ELP3: variants seen among roughly 807,000 people sequenced by gnomAD.
The protein encoded by ELP3 is elongator acetyltransferase complex subunit 3, also known as elongator complex protein 3.
A neutral mutation model predicts 74.9 loss-of-function variants in ELP3; 56 were observed. The observed-to-expected ratio is 0.75, with a 90% CI of 0.60 to 0.93. The LOEUF (loss-of-function observed/expected upper bound fraction) is 0.93. Ranked by LOEUF, ELP3 falls within the 40% of genes least tolerant of loss-of-function variation. The pLI is 0.00. For synonymous variants in ELP3, 222 were observed against 239.8 expected (o/e 0.93, Z 0.68); for missense variants, 573 against 686.5 (o/e 0.83, Z 1.85).
chr8:28,106,661 G>A (rs1037624081), intron 3 of ELP3, 52 bp from the exon 4 acceptor site: 4 of 1,511,150 alleles, frequency 2.6e-6, no homozygotes, highest in Non-Finnish European at 3.7e-6. Flanking sequence ...ACTCTGTGGA[G>A]TTTTATATTA....
chr8:28,152,262 C>T (rs1219532945), intron 10 of ELP3, among the ~76,000 whole-genome samples: 4 of 152,162 alleles, frequency 2.6e-5, no homozygotes, highest in Non-Finnish European at 5.9e-5. Context: ...TCCTTAAATG[C>T]AGAACCAGAA....
At chr8:28,127,092 G>A (rs1812605700) in intron 7 of ELP3, among the ~76,000 whole-genome samples, 1 of 152,070 alleles carries the variant, frequency 6.6e-6, no homozygotes, top group African/African-American at 2.4e-5. Context: ...TCCCGCCTGA[G>A]GAAAAACATT....
intron 1 of ELP3, 117 bp downstream of exon 1, chr8:28,093,350 C>A (rs1220780926): frequency 1.4e-6 from 2 of 1,420,386 alleles, no homozygotes; most frequent in Non-Finnish European, 1.9e-6. Context: ...CCAGTCGCCC[C>A]GCCACCTAGG....
chr8:28,150,424 G>A (rs1322319723), intron 10 of ELP3, among the ~76,000 whole-genome samples: 1 of 152,060 alleles, frequency 6.6e-6, no homozygotes, highest in Non-Finnish European at 1.5e-5. Context: ...ATTTTTGTCT[G>A]AGAAAGCCTT....
chr8:28,094,179 A>G (rs1811160676), intron 1 of ELP3, among the ~76,000 whole-genome samples: 1 of 152,174 alleles, frequency 6.6e-6, no homozygotes, highest in Admixed American at 6.5e-5. Context: ...CTCCTTCTCA[A>G]TCTACCAGGA....
intron 7 of ELP3, among the ~76,000 whole-genome samples, chr8:28,120,770 A>G (rs1453386559): frequency 6.6e-6 from 1 of 152,186 alleles, no homozygotes; most frequent in Non-Finnish European, 1.5e-5. Flanking sequence ...ATAGACAGCT[A>G]GTTGCTTTAA....
intron 10 of ELP3, among the ~76,000 whole-genome samples, chr8:28,140,727 C>T (rs1473886921): frequency 2.0e-5 from 3 of 152,088 alleles, no homozygotes; most frequent in African/African-American, 4.8e-5. Flanking sequence ...TTTGAGGATT[C>T]GCCATTTAGT....
intron 12 of ELP3, 84 bp from the exon 13 acceptor site, chr8:28,160,145 A>C (rs1814010201): frequency 1.6e-6 from 2 of 1,234,042 alleles, no homozygotes; most frequent in Admixed American, 2.3e-5. Context: ...ACTAGATATT[A>C]ACCTAAATAA....
chr8:28,090,481 GGGTGTGTGT>G (rs1811023643), upstream of ELP3: 5 of 194,904 alleles, frequency 2.6e-5, 1 homozygote, highest in South Asian at 3.4e-4. Context: ...TCTGATGGGT[GGGTGTGTGT>G]GTGTGTGTGT....
In ELP3 at chr8:28,141,626, C is replaced by T. The variant is rs571949748; in HGVS notation, c.1100+3735C>T. On this transcript the variant is annotated intron_variant, in intron 10 of 14. Transcript: ENST00000256398. Reference sequence around the variant, plus strand: ...TCGTAGGAAATATTTAAAGTATTCTCAGGGCGTTGGGACATCTTATTTGCA... The same window carrying T: ...TCGTAGGAAATATTTAAAGTATTCTTAGGGCGTTGGGACATCTTATTTGCA... 1.1e-4 allele frequency among the ~76,000 whole-genome samples: 17 copies of T among 152,260 alleles called. No individual in the cohort carries two copies. In the South Asian group the frequency reaches 2.9e-3, roughly 26 times the overall value.
intron 14 of ELP3, among the ~76,000 whole-genome samples, chr8:28,169,412 T>A (rs1318753195): frequency 6.6e-6 from 1 of 152,212 alleles, no homozygotes; most frequent in Non-Finnish European, 1.5e-5. Context: ...GTCAAGGGCC[T>A]CAGCTGGGGT....
At chr8:28,155,130 A>G (rs534947067) in intron 10 of ELP3, among the ~76,000 whole-genome samples, 1 of 152,378 alleles carries the variant, frequency 6.6e-6, no homozygotes, top group South Asian at 2.1e-4. Context: ...GATAATTGGC[A>G]TATTCTCCAC....
chr8:28,189,996 C>A lies in ELP3; in HGVS notation c.*271C>A. ...TCCAGTTTCTACATTTTGCATGAGG[C>A]CTGCAGGTGGCCTATTTTGACTCAG... On this transcript the variant is annotated 3_prime_UTR_variant, in exon 15 of 15. Transcript: ENST00000256398. The A allele has an allele frequency of 2.9e-6, 1 of 344,378 alleles. No individual in the cohort carries two copies. Among genetic ancestry groups the A allele is most frequent in the East Asian group, 5.4e-5 (1 of 18,492 alleles). 21.3% of individuals were successfully genotyped at this position (344,378 alleles called of 1,614,324 possible).
At chr8:28,106,187 C>T (rs1320541622) in intron 3 of ELP3, among the ~76,000 whole-genome samples, 2 of 152,108 alleles carry the variant, frequency 1.3e-5, no homozygotes, top group African/African-American at 4.8e-5. Context: ...TACATACGGA[C>T]AATTTAAAGA....
intron 14 of ELP3, among the ~76,000 whole-genome samples, chr8:28,180,747 T>C (rs1441763766): frequency 6.6e-6 from 1 of 152,216 alleles, no homozygotes; most frequent in Non-Finnish European, 1.5e-5. Context: ...ACCAAGGCTG[T>C]GGTTTATCTA....
Position 28,106,716 on chromosome 8 carries a change from G to A in ELP3, c.262G>A (p.Ala88Thr), listed in dbSNP as rs562925451. The A allele has an allele frequency of 6.2e-7, 1 of 1,612,026 alleles. No individual in the cohort carries two copies. The highest frequency in any genetic ancestry group is 1.1e-5 in the South Asian group (1 of 90,992). ...AKPIRTASGIAVVAVMCKPHR... is the reference protein window; with the variant it reads ...AKPIRTASGITVVAVMCKPHR... ...TTTATTCATCTTTCTTTTATAGATT[G>A]CTGTCGTGGCTGTGATGTGCAAACC... The change falls in exon 4 of 15, where the codon GCT becomes ACT. Residue 88 changes from alanine (A) to threonine (T), a missense_variant. Physicochemically the swap from Ala to Thr is moderately conservative, Grantham distance 58. Coordinates refer to ENST00000256398, the MANE Select transcript of ELP3 (RefSeq NM_018091.6).
chr8:28,136,913 TAAAG>T (rs912708328), intron 9 of ELP3, among the ~76,000 whole-genome samples: 27 of 152,098 alleles, frequency 1.8e-4, no homozygotes, highest in African/African-American at 6.3e-4. Flanking sequence ...CATCCCAAAA[TAAAG>T]AAAGAAAGCA....
chr8:28,173,265 C>G (rs550239518), intron 14 of ELP3, among the ~76,000 whole-genome samples: 2 of 151,936 alleles, frequency 1.3e-5, no homozygotes, highest in East Asian at 3.9e-4. Context: ...TGGGCTTTTT[C>G]TTATTGGGAC....
intron 14 of ELP3, among the ~76,000 whole-genome samples, chr8:28,175,617 T>C (rs1002724372): frequency 2.0e-5 from 3 of 152,200 alleles, no homozygotes; most frequent in African/African-American, 4.8e-5. Context: ...TGTCTGGATT[T>C]CCTCAGGAAT....
Sources: allele counts gnomAD v4.1 joint callset (sites outside exome capture counted in the v4.1 genomes callset), GRCh38; gene constraint gnomAD v4.1.1; transcripts MANE v1.5; gene names NCBI Gene and HGNC (gene_info 2026-07-23, HGNC 2026-07-21).